Variants in PPM1F observed in about 807,000 individuals in gnomAD.
PPM1F encodes the protein protein phosphatase, Mg2+/Mn2+ dependent 1F.
A neutral mutation model predicts 35.5 loss-of-function variants in PPM1F; 17 were observed. That is an observed-to-expected ratio of 0.48 (90% CI 0.33 to 0.72). The LOEUF (loss-of-function observed/expected upper bound fraction) is 0.72. Ranked by LOEUF, PPM1F falls within the 30% of genes least tolerant of loss-of-function variation. PPM1F has a pLI of 0.02. For missense variants in PPM1F, 521 were observed against 613.0 expected, an observed-to-expected ratio of 0.85 and a Z score of 1.59; for synonymous variants, 241 against 255.5, an observed-to-expected ratio of 0.94 and a Z score of 0.54.
chr22:21,927,943 T>TTTTTTTTG (rs2070538101), intron 6 of PPM1F, among the ~76,000 whole-genome samples: 1 of 9,458 alleles, frequency 1.1e-4, no homozygotes, highest in African/African-American at 2.6e-4. Flanking sequence ...TTTTGTTTTG[T>TTTTTTTTG]TTTTTTTTTT....
chr22:21,945,837 G>A lies in PPM1F; in HGVS notation c.206+6C>T, dbSNP rs2070771420. On this transcript the variant is annotated splice_donor_region_variant and intron_variant, in intron 2 of 7. Coordinates refer to ENST00000263212, the MANE Select transcript of PPM1F (RefSeq NM_014634.4). ...CCCCGTCCCCTTTGGGGGTGCACAG[G>A]CCTACCTGCTGCCCAGAAAGCCCAT... The A allele has an allele frequency of 1.2e-6, 2 of 1,607,116 alleles. No individual in the cohort carries two copies. Among genetic ancestry groups the A allele is most frequent in the African/African-American group, 1.3e-5 (1 of 74,992 alleles).
rs1013361912 is a variant in PPM1F, at chr22:21,938,500, T to A, written c.355+1032A>T. On this transcript the variant is annotated intron_variant, in intron 3 of 7. Transcript: ENST00000263212. ...CCACTGATGCTGGCGGCCTCGGGTATTCGCTTTCTCTCTCTTCTCCCACCT... is the reference window on the plus strand; with the variant it reads ...CCACTGATGCTGGCGGCCTCGGGTAATCGCTTTCTCTCTCTTCTCCCACCT... 2.7e-6 allele frequency: 3 copies of A among 1,098,068 alleles called. No individual in the cohort carries two copies. In the South Asian group the frequency reaches 6.0e-5, roughly 22 times the overall value. The allele number at this position is 1,098,068 out of a possible 1,614,324, so 68.0% of individuals were successfully genotyped here. A position where few individuals can be genotyped will look rare whatever the true frequency, so the allele number is the denominator to read the frequency against.
chr22:21,947,115 G>A (rs1399788237), intron 1 of PPM1F: 1 of 152,168 alleles, frequency 6.6e-6, no homozygotes, highest in Non-Finnish European at 1.5e-5. Flanking sequence ...GGCACATGGT[G>A]CCTCACAGCC....
intron 5 of PPM1F, among the ~76,000 whole-genome samples, 165 bp downstream of exon 5, chr22:21,933,226 G>A (rs1040364299): frequency 6.6e-6 from 1 of 152,168 alleles, no homozygotes; most frequent in Non-Finnish European, 1.5e-5. Context: ...TGCTGCTTCC[G>A]TTCAAGTGAA....
intron 7 of PPM1F, among the ~76,000 whole-genome samples, chr22:21,924,223 C>T (rs531709446): frequency 1.2e-4 from 18 of 151,044 alleles, no homozygotes; most frequent in South Asian, 6.3e-4. Flanking sequence ...GCCTGAGACC[C>T]GGCACTGACC....
chr22:21,928,908 A>G (rs74576380), intron 6 of PPM1F, among the ~76,000 whole-genome samples: 20,481 of 152,174 alleles, frequency 0.13, 1,534 homozygotes, highest in Middle Eastern at 0.18. Context: ...AGAGGCAGGA[A>G]GTGGGTCCTG....
At chr22:21,937,173 T>C (rs973665448) in intron 3 of PPM1F, 1 of 151,966 alleles carries the variant, frequency 6.6e-6, no homozygotes, top group Non-Finnish European at 1.5e-5. Flanking sequence ...CCAAAGGACA[T>C]GGGGAACTGA....
At chr22:21,923,832 C>T (rs1042165599) in intron 7 of PPM1F, among the ~76,000 whole-genome samples, 1 of 151,866 alleles carries the variant, frequency 6.6e-6, no homozygotes, top group Non-Finnish European at 1.5e-5. Context: ...CTCGCGCCAC[C>T]ATGCCCAGCT....
At position 21,921,746 on chromosome 22, in the gene PPM1F, CTTAA is replaced by C. The variant is rs2070450383; in HGVS notation, c.*1342_*1345del. ...GCTGCCTCTGTGCTTGCCTGAGCCT[CTTAA>C]TTAAGAGTCTTTCCCAATGAGACCA... On this transcript the variant is annotated 3_prime_UTR_variant, in exon 8 of 8. Coordinates refer to ENST00000263212, the MANE Select transcript of PPM1F (RefSeq NM_014634.4). The C allele has an allele frequency of 6.6e-6, 1 of 152,270 alleles. No individual in the cohort carries two copies. The highest frequency in any genetic ancestry group is 2.1e-4 in the South Asian group (1 of 4,836). The allele number at this position is 152,270 out of a possible 1,614,324, so 9.4% of individuals were successfully genotyped here.
rs986113590 is a variant in PPM1F, at chr22:21,922,346, TAAAAC to T, written c.*741_*745del. ...ACACAACAGGTCATCTTGGCACTGA[TAAAAC>T]AAAGAGAAAACCTGGAATACTGCTT... On this transcript the variant is annotated 3_prime_UTR_variant, in exon 8 of 8. Transcript: ENST00000263212. 1.3e-5 allele frequency: 2 copies of T among 152,526 alleles called. No homozygotes were observed. The highest frequency in any genetic ancestry group is 4.8e-5 in the African/African-American group (2 of 41,432). The allele number at this position is 152,526 out of a possible 1,614,324, so 9.4% of individuals were successfully genotyped here. A position where few individuals can be genotyped will look rare whatever the true frequency, so the allele number is the denominator to read the frequency against.
In PPM1F at chr22:21,923,209, G is replaced by T; in HGVS notation, c.1248C>A (p.Pro416=). Residue 416 remains proline, a synonymous_variant, in exon 8 of 8, where the codon CCC becomes CCA. Coordinates refer to ENST00000263212, the MANE Select transcript of PPM1F (RefSeq NM_014634.4). ...GGTTCCCGCCCTCCAGCAGCTCTTG[G>T]GGGTCCCTGAGGAAGACCACCATGA... is the stretch of plus-strand genomic sequence containing the variant. ...ITVMVVFLRD[P]QELLEGGNQG... is the part of the protein sequence containing the mutation. The T allele has an allele frequency of 6.2e-7, 1 of 1,613,618 alleles. No homozygotes were observed. The highest frequency in any genetic ancestry group is 1.3e-5 in the African/African-American group (1 of 75,006).
intron 2 of PPM1F, among the ~76,000 whole-genome samples, chr22:21,940,169 T>G (rs2070709359): frequency 6.6e-6 from 1 of 152,144 alleles, no homozygotes; most frequent in Admixed American, 6.5e-5. Flanking sequence ...CAATGACTGA[T>G]GTCTCTATGA....
rs774419391 is a variant in PPM1F at position 21,946,063 on chromosome 22, G to A, written c.-15C>T. 38 of 1,497,620 alleles carry A rather than the reference G, an allele frequency of 2.5e-5. No homozygotes were observed. The highest frequency in any genetic ancestry group is 1.2e-4 in the East Asian group (5 of 40,994). 92.8% of individuals were successfully genotyped at this position (1,497,620 alleles called of 1,614,324 possible). A position where few individuals can be genotyped will look rare whatever the true frequency, so the allele number is the denominator to read the frequency against. On this transcript the variant is annotated 5_prime_UTR_variant, in exon 2 of 8. Coordinates refer to ENST00000263212, the MANE Select transcript of PPM1F (RefSeq NM_014634.4). ...CCAGAGGACATGCCCAAAGCATCCC[G>A]GGGGCCTGCAGCTAGGCCAGGGCAA...
chr22:21,926,369 T>C (rs567589788), intron 6 of PPM1F, among the ~76,000 whole-genome samples: 1 of 152,118 alleles, frequency 6.6e-6, no homozygotes, highest in South Asian at 2.1e-4. Flanking sequence ...CCTGACCTCA[T>C]GATCCACCCT....
In PPM1F at chr22:21,934,083, G is replaced by A. The variant is rs757487890; in HGVS notation, c.499C>T (p.Arg167Cys). The A allele has an allele frequency of 1.9e-6, 3 of 1,564,932 alleles. No homozygotes were observed. The highest frequency in any genetic ancestry group is 1.2e-5 in the South Asian group (1 of 85,120). ...GACACGTGCCGGTCCTCCATCTTGC[G>A]GCGAGTGTTCCGGATGGCGTGGATG... is the stretch of plus-strand genomic sequence containing the variant. The part of the protein sequence containing the change: ...VSIHAIRNTR[R>C]KMEDRHVSLP... Residue 167 changes from arginine (R) to cysteine (C), a missense_variant, in exon 4 of 8, where the codon CGC becomes TGC. Around this residue, in one of 3 missense-constraint regions of PPM1F, gnomAD observed 311 missense variants for 351.5 expected, o/e 0.88. Coordinates refer to ENST00000263212, the MANE Select transcript of PPM1F (RefSeq NM_014634.4).
chr22:21,933,323 C>T, intron 5 of PPM1F, 68 bp downstream of exon 5: 1 of 1,445,718 alleles, frequency 6.9e-7, no homozygotes, highest in Non-Finnish European at 9.4e-7. Context: ...TGGCGTTTTT[C>T]CCGCTGCAGA....
intron 1 of PPM1F, 38 bp from the exon 2 acceptor site, chr22:21,946,146 C>A: frequency 9.4e-7 from 1 of 1,063,360 alleles, no homozygotes; most frequent in Non-Finnish European, 1.3e-6. Flanking sequence ...ATCAGGGGGC[C>A]ATGGCACCAG....
chr22:21,940,703 G>A (rs1394160165), intron 2 of PPM1F: 1 of 152,224 alleles, frequency 6.6e-6, no homozygotes, highest in African/African-American at 2.4e-5. Context: ...TGGGTCTGTG[G>A]TCATTTGTAC....
chr22:21,944,205 C>T (rs547288498), intron 2 of PPM1F: 3 of 152,396 alleles, frequency 2.0e-5, no homozygotes, highest in African/African-American at 2.4e-5. Flanking sequence ...CAATAACACC[C>T]TTTGCGCATG....
Sources: allele counts gnomAD v4.1 joint callset (sites outside exome capture counted in the v4.1 genomes callset), GRCh38; gene constraint gnomAD v4.1.1; regional missense constraint gnomAD v4.1.1; transcripts MANE v1.5; gene names NCBI Gene and HGNC (gene_info 2026-07-23, HGNC 2026-07-21).